Variants in THADA observed in about 807,000 individuals in gnomAD.
THADA encodes THADA armadillo repeat containing.
In THADA, 213 loss-of-function variants were observed where a neutral mutation model predicts 219.8. The observed-to-expected ratio is 0.97, with a 90% CI of 0.87 to 1.09. THADA has a LOEUF of 1.09. Ranked by LOEUF, THADA falls within the 50% of genes least tolerant of loss-of-function variation. THADA has a pLI of 0.00. For synonymous variants in THADA, 1,018 were observed against 828.9 expected (o/e 1.23, Z -3.92); for missense variants, 2,956 against 2,311.3 (o/e 1.28, Z -5.72).
intron 36 of THADA, among the ~76,000 whole-genome samples, chr2:43,241,591 T>A (rs71420039): frequency 0.073 from 10,819 of 148,316 alleles, 566 homozygotes; most frequent in Non-Finnish European, 0.11. Context: ...CACATGGATT[T>A]AAAAAAAAAT....
At chr2:43,297,043 T>C (rs1472985932) in intron 31 of THADA, among the ~76,000 whole-genome samples, 4 of 105,076 alleles carry the variant, frequency 3.8e-5, no homozygotes, top group African/African-American at 1.9e-4. Flanking sequence ...CTGCCCAGTC[T>C]GGAAAGTGAG....
At chr2:43,332,978 G>A (rs1665961596) in intron 30 of THADA, among the ~76,000 whole-genome samples, 1 of 152,112 alleles carries the variant, frequency 6.6e-6, no homozygotes, top group African/African-American at 2.4e-5. Context: ...AAGGGCCCAG[G>A]ATAATATATT....
chr2:43,404,365 T>C (rs1675267388), intron 28 of THADA, among the ~76,000 whole-genome samples: 1 of 151,178 alleles, frequency 6.6e-6, no homozygotes, highest in African/African-American at 2.4e-5. Flanking sequence ...GCTAATTTTC[T>C]TTTTCTTTTC....
intron 22 of THADA, among the ~76,000 whole-genome samples, chr2:43,523,623 T>C (rs1222742501): frequency 1.3e-5 from 2 of 152,228 alleles, no homozygotes; most frequent in South Asian, 2.1e-4. Context: ...GATGAAAGTT[T>C]AAATACATAT....
chr2:43,232,163 C>CT (rs987967009), intron 37 of THADA, among the ~76,000 whole-genome samples: 2 of 151,898 alleles, frequency 1.3e-5, no homozygotes, highest in Non-Finnish European at 2.9e-5. Context: ...CCAGGGGCTT[C>CT]TTTTTTTCTT....
chr2:43,483,288 T>C (rs1436686977), intron 26 of THADA, among the ~76,000 whole-genome samples: 2 of 152,122 alleles, frequency 1.3e-5, no homozygotes, highest in African/African-American at 4.8e-5. Flanking sequence ...CTTCAGAAAG[T>C]TAATATTGGA....
chr2:43,299,706 T>C (rs1318923078), intron 31 of THADA, among the ~76,000 whole-genome samples: 3 of 150,992 alleles, frequency 2.0e-5, no homozygotes, highest in Non-Finnish European at 3.0e-5. Flanking sequence ...ACAAAATGTT[T>C]AGTGTCCTAA....
At chr2:43,261,512 C>A (rs1670941016) in intron 36 of THADA, among the ~76,000 whole-genome samples, 1 of 151,758 alleles carries the variant, frequency 6.6e-6, no homozygotes, top group South Asian at 2.1e-4. Context: ...CCAGGCTGGA[C>A]TGCAATGGCA....
chr2:43,288,944 A>T (rs984742191), intron 34 of THADA, among the ~76,000 whole-genome samples: 1 of 152,128 alleles, frequency 6.6e-6, no homozygotes, highest in Non-Finnish European at 1.5e-5. Context: ...TTTATCTATC[A>T]CTTCCCTATC....
chr2:43,335,751 G>C (rs1384971202), intron 30 of THADA, among the ~76,000 whole-genome samples: 1 of 150,672 alleles, frequency 6.6e-6, no homozygotes, highest in Non-Finnish European at 1.5e-5. Context: ...TTAAGGCCAG[G>C]GGTACTAAAC....
chr2:43,504,046 G>C (rs1689348850), intron 24 of THADA, among the ~76,000 whole-genome samples: 1 of 151,838 alleles, frequency 6.6e-6, no homozygotes, highest in South Asian at 2.1e-4. Context: ...GACCTGTTCA[G>C]TATAATGCAA....
intron 24 of THADA, among the ~76,000 whole-genome samples, chr2:43,500,613 C>G (rs891841668): frequency 1.3e-5 from 2 of 152,144 alleles, no homozygotes; most frequent in Non-Finnish European, 2.9e-5. Context: ...AATTCAATTT[C>G]CTTAATAAGA....
intron 26 of THADA, among the ~76,000 whole-genome samples, chr2:43,480,459 G>A (rs1040192307): frequency 4.6e-5 from 7 of 152,056 alleles, no homozygotes; most frequent in African/African-American, 1.7e-4. Flanking sequence ...AGAGGGCCTG[G>A]CCCAGAGTAA....
At chr2:43,414,708 T>C (rs986227891) in intron 28 of THADA, among the ~76,000 whole-genome samples, 1 of 152,138 alleles carries the variant, frequency 6.6e-6, no homozygotes, top group Non-Finnish European at 1.5e-5. Context: ...AACAAAACTG[T>C]AACTAGGTAA....
At chr2:43,574,299 A>G in intron 11 of THADA, 37 bp downstream of exon 11, 1 of 1,404,460 alleles carries the variant, frequency 7.1e-7, no homozygotes, top group South Asian at 1.5e-5. Flanking sequence ...AAGCATCATA[A>G]TTAGAAACTA....
intron 21 of THADA, 59 bp downstream of exon 21, chr2:43,541,100 A>G: frequency 7.0e-7 from 1 of 1,420,270 alleles, no homozygotes; most frequent in Non-Finnish European, 9.2e-7. Context: ...GTTATAAAAA[A>G]AAAAGTGATT....
chr2:43,350,890 G>A (rs1428402984), intron 29 of THADA, among the ~76,000 whole-genome samples: 1 of 152,178 alleles, frequency 6.6e-6, no homozygotes, highest in African/African-American at 2.4e-5. Flanking sequence ...CCAGGAAAAG[G>A]ATGCTAAGTA....
At chr2:43,458,107 C>G (rs758083369) in intron 26 of THADA, among the ~76,000 whole-genome samples, 7 of 152,078 alleles carry the variant, frequency 4.6e-5, no homozygotes, top group Non-Finnish European at 7.4e-5. Context: ...GCCAAAGAAG[C>G]CTTCATCTCC....
intron 36 of THADA, 199 bp from the exon 37 acceptor site, chr2:43,233,081 T>A: frequency 1.7e-6 from 1 of 605,790 alleles, no homozygotes; most frequent in Non-Finnish European, 2.9e-6. Flanking sequence ...GAATGAGTCA[T>A]AGGCCTGAAC....
Sources: allele counts gnomAD v4.1 joint callset (sites outside exome capture counted in the v4.1 genomes callset), GRCh38; gene constraint gnomAD v4.1.1; transcripts MANE v1.5; gene names NCBI Gene and HGNC (gene_info 2026-07-23, HGNC 2026-07-21).